AMDHD1: variants seen among roughly 807,000 people sequenced by gnomAD.
The protein encoded by AMDHD1 is probable imidazolonepropionase.
A neutral mutation model predicts 44.1 loss-of-function variants in AMDHD1; 45 were observed. The observed-to-expected ratio is 1.02, with a 90% CI of 0.80 to 1.31. The LOEUF (loss-of-function observed/expected upper bound fraction) is 1.31, where lower values mean the gene tolerates loss of function less well. AMDHD1 is among the 50% of genes most tolerant of loss of function. The probability of loss-of-function intolerance (pLI) is 0.00; values close to 1 mark genes in which losing one functional copy is unlikely to be tolerated. For missense variants in AMDHD1, 586 were observed against 552.1 expected (o/e 1.06, Z -0.61); for synonymous variants, 206 against 205.0 (o/e 1.00, Z -0.04).
chr12:95,964,915 G>A (rs2080601130), intron 6 of AMDHD1, among the ~76,000 whole-genome samples: 1 of 84,142 alleles, frequency 1.2e-5, no homozygotes. Flanking sequence ...AGGACCTACA[G>A]AGATGTTTGA....
Position 95,966,378 on chromosome 12 carries a change from A to C in AMDHD1, c.1063A>C (p.Met355Leu), listed in dbSNP as rs145193484. The change falls in exon 8 of 9, where the codon ATG becomes CTG. Residue 355 changes from methionine (M) to leucine (L), a missense_variant. Transcript: ENST00000266736. ...PMVMHLACVNMRMSMPEALAA... is the reference protein window; with the variant it reads ...PMVMHLACVNLRMSMPEALAA... ...GGTCATGCATCTGGCCTGTGTAAAC[A>C]TGAGAATGTCCATGCCTGAGGCCTT... 55 of 1,614,124 alleles carry C rather than the reference A, an allele frequency of 3.4e-5. No individual in the cohort carries two copies. Among genetic ancestry groups the C allele is most frequent in the Non-Finnish European group, 4.5e-5 (53 of 1,180,056 alleles).
At chr12:95,943,631 G>C (rs949702949) in intron 1 of AMDHD1, 96 bp downstream of exon 1, 3 of 1,359,828 alleles carry the variant, frequency 2.2e-6, no homozygotes, top group Non-Finnish European at 9.4e-7. Flanking sequence ...CGCCGTGAAA[G>C]CGTCCCTGCA....
At chr12:95,962,517 T>A in intron 6 of AMDHD1, 38 bp downstream of exon 6, 1 of 1,573,186 alleles carries the variant, frequency 6.4e-7, no homozygotes, top group Non-Finnish European at 8.7e-7. Context: ...GAGCTGCAAG[T>A]ACAAGCTGTG....
chr12:95,965,866 A>C, intron 7 of AMDHD1, 87 bp downstream of exon 7: 1 of 906,144 alleles, frequency 1.1e-6, no homozygotes, highest in Non-Finnish European at 1.6e-6. Flanking sequence ...CTTTTAAAAC[A>C]GTATAAAAAA....
At position 95,968,685 on chromosome 12, in the gene AMDHD1, A is replaced by C. The variant is rs577588382; in HGVS notation, c.*842A>C. The C allele has an allele frequency of 2.6e-5, 4 of 152,356 alleles. No homozygotes were observed. Among genetic ancestry groups the C allele is most frequent in the African/African-American group, 9.6e-5 (4 of 41,582 alleles). The allele number at this position is 152,356 out of a possible 1,614,324, so 9.4% of individuals were successfully genotyped here. A position where few individuals can be genotyped will look rare whatever the true frequency, so the allele number is the denominator to read the frequency against. On this transcript the variant is annotated 3_prime_UTR_variant, in exon 9 of 9. Transcript: ENST00000266736. Reference sequence around the variant, plus strand: ...ACAAAATTATTTGTAAAGAGTCGATAATTATTTACATATAAATGGGTGTTT... The same window carrying C: ...ACAAAATTATTTGTAAAGAGTCGATCATTATTTACATATAAATGGGTGTTT...
chr12:95,963,424 G>C (rs1289172621), intron 6 of AMDHD1, among the ~76,000 whole-genome samples: 1 of 152,192 alleles, frequency 6.6e-6, no homozygotes, highest in Non-Finnish European at 1.5e-5. Flanking sequence ...CCCAAGACAT[G>C]AATTGTACTG....
At chr12:95,949,272 A>G (rs1171613217) in intron 1 of AMDHD1, among the ~76,000 whole-genome samples, 2 of 152,120 alleles carry the variant, frequency 1.3e-5, no homozygotes, top group Non-Finnish European at 2.9e-5. Context: ...TAGGTTTTAG[A>G]AACTGAGACA....
intron 1 of AMDHD1, among the ~76,000 whole-genome samples, chr12:95,948,495 T>G (rs866473504): frequency 3.9e-3 from 123 of 31,276 alleles, no homozygotes; most frequent in Admixed American, 6.0e-3. Flanking sequence ...GAGGTGGGGG[T>G]GTCAGCCCCC....
intron 7 of AMDHD1, 50 bp downstream of exon 7, chr12:95,965,829 A>T: frequency 8.3e-7 from 1 of 1,201,236 alleles, no homozygotes; most frequent in South Asian, 1.5e-5. Flanking sequence ...TACCAAGCAT[A>T]TAAATAATTT....
chr12:95,965,513 C>A (rs1311463322), intron 6 of AMDHD1, among the ~76,000 whole-genome samples, 173 bp from the exon 7 acceptor site: 2 of 152,170 alleles, frequency 1.3e-5, no homozygotes, highest in African/African-American at 4.8e-5. Flanking sequence ...TGATAAAAAT[C>A]AGGAGTCCTT....
chr12:95,964,155 T>C (rs2080597100), intron 6 of AMDHD1, among the ~76,000 whole-genome samples: 1 of 152,076 alleles, frequency 6.6e-6, no homozygotes, highest in Admixed American at 6.6e-5. Context: ...TTTGTTCCTA[T>C]ACCAGCGGAG....
At position 95,956,666 on chromosome 12, in the gene AMDHD1, A is replaced by G. The variant is rs138716150; in HGVS notation, c.310-19A>G. ...AACTTCCTGGCATGTGCTGGCCTAAAGGTGAGGCGTGTGTTCAGTTGGCAG... is the reference window on the plus strand; with the variant it reads ...AACTTCCTGGCATGTGCTGGCCTAAGGGTGAGGCGTGTGTTCAGTTGGCAG... On this transcript the variant is annotated intron_variant, in intron 3 of 8. Coordinates refer to ENST00000266736, the MANE Select transcript of AMDHD1 (RefSeq NM_152435.3). The G allele has an allele frequency of 6.2e-7, 1 of 1,611,610 alleles. No individual in the cohort carries two copies. The highest frequency in any genetic ancestry group is 8.5e-7 in the Non-Finnish European group (1 of 1,178,060).
rs1341765476 is a variant in AMDHD1 at position 95,948,641 on chromosome 12, T to A, written c.138-4076T>A. Among the ~76,000 whole-genome samples the A allele has an allele frequency of 6.4e-5, 5 of 78,420 alleles. 2 individuals carry two copies. Among genetic ancestry groups the A allele is most frequent in the Admixed American group, 4.1e-4 (3 of 7,386 alleles). The allele number at this position is 78,420 out of a possible 152,430, so 51.4% of individuals were successfully genotyped here. A position where few individuals can be genotyped will look rare whatever the true frequency, so the allele number is the denominator to read the frequency against. The stretch of plus-strand genomic sequence containing the variant: ...CCGTCTGGGAGGTGTGCCCAACAGC[T>A]CATTGAGAACGGGCCAGGATGACAA... On this transcript the variant is annotated intron_variant, in intron 1 of 8. Coordinates refer to ENST00000266736, the MANE Select transcript of AMDHD1 (RefSeq NM_152435.3).
In AMDHD1 at chr12:95,968,700, A is replaced by T. The variant is rs1035718574; in HGVS notation, c.*857A>T. 6.6e-6 allele frequency: 1 copy of T among 152,236 alleles called. No individual in the cohort carries two copies. The highest frequency in any genetic ancestry group is 6.5e-5 in the Admixed American group (1 of 15,282). The allele number at this position is 152,236 out of a possible 1,614,324, so 9.4% of individuals were successfully genotyped here. On this transcript the variant is annotated 3_prime_UTR_variant, in exon 9 of 9. Transcript: ENST00000266736. ...AAGAGTCGATAATTATTTACATATA[A>T]ATGGGTGTTTTTAAAAGCCATGTAA...
At chr12:95,950,872 G>T (rs1223505297) in intron 1 of AMDHD1, among the ~76,000 whole-genome samples, 2 of 87,204 alleles carry the variant, frequency 2.3e-5, no homozygotes, top group Non-Finnish European at 4.3e-5. Flanking sequence ...GGCTCTACTA[G>T]TGTAAAAAAG....
intron 4 of AMDHD1, among the ~76,000 whole-genome samples, chr12:95,957,932 A>C (rs2136765598): frequency 6.6e-6 from 1 of 152,242 alleles, no homozygotes; most frequent in African/African-American, 2.4e-5. Context: ...CCATGCCTGT[A>C]ATCCCAGCTA....
At chr12:95,964,935 A>AAAAAAAAAAAAAAAAAG (rs2080601877) in intron 6 of AMDHD1, among the ~76,000 whole-genome samples, 1 of 148,110 alleles carries the variant, frequency 6.8e-6, no homozygotes, top group Non-Finnish European at 1.5e-5. Flanking sequence ...AGGCAAAAAA[A>AAAAAAAAAAAAAAAAAG]AAAAAAAAAA....
At chr12:95,955,648 A>C (rs2136764021) in intron 3 of AMDHD1, among the ~76,000 whole-genome samples, 1 of 152,352 alleles carries the variant, frequency 6.6e-6, no homozygotes, top group Admixed American at 6.5e-5. Flanking sequence ...ATAGACGGAG[A>C]AAGAGATTTA....
Position 95,956,825 on chromosome 12 carries a change from C to G in AMDHD1, c.450C>G (p.Thr150=). 4 of 1,614,200 alleles carry G rather than the reference C, an allele frequency of 2.5e-6. No homozygotes were observed. Among genetic ancestry groups the G allele is most frequent in the Non-Finnish European group, 3.4e-6 (4 of 1,180,028 alleles). ...QRLQCMMRAG[T]TLVECKSGYG... ...TCCAGTGCATGATGAGGGCTGGCAC[C>G]ACGCTGGTGGAGTGCAAGAGTGGAT... is the stretch of plus-strand genomic sequence containing the variant. The change falls in exon 4 of 9, where the codon ACC becomes ACG. Residue 150 remains threonine (T), a synonymous_variant. Coordinates refer to ENST00000266736, the MANE Select transcript of AMDHD1 (RefSeq NM_152435.3).
Sources: gnomAD v4.1 joint callset for allele counts (sites outside exome capture counted in the v4.1 genomes callset) on GRCh38, gnomAD v4.1.1 for gene constraint, MANE v1.5 for transcripts, NCBI Gene and HGNC (gene_info 2026-07-23, HGNC 2026-07-21) for gene names.